The following AGBL3 variants were observed in gnomAD, a reference collection of about 807,000 sequenced individuals.
AGBL3 encodes the protein AGBL carboxypeptidase 3.
A neutral mutation model predicts 94.5 loss-of-function variants in AGBL3; 68 were observed. That is an observed-to-expected ratio of 0.72 (90% CI 0.59 to 0.88). The LOEUF is 0.88. Among genes scored for constraint, AGBL3 ranks in the 40% least tolerant of loss-of-function variants. The pLI is 0.00. For missense variants in AGBL3, 934 were observed against 1,103.8 expected (o/e 0.85, Z 2.18); for synonymous variants, 354 against 370.7 (o/e 0.95, Z 0.52).
intron 4 of AGBL3, among the ~76,000 whole-genome samples, chr7:135,003,437 C>T (rs541976850): frequency 1.3e-5 from 2 of 152,064 alleles, no homozygotes; most frequent in South Asian, 4.1e-4. Context: ...CAAGATTTTT[C>T]TGGCTACGTT....
At chr7:135,103,333 T>C (rs1268362751) in intron 15 of AGBL3, among the ~76,000 whole-genome samples, 1 of 152,232 alleles carries the variant, frequency 6.6e-6, no homozygotes, top group Non-Finnish European at 1.5e-5. Context: ...CTAGTCTCTC[T>C]ATATTCGGGA....
At chr7:135,007,542 T>A (rs1812548010) in intron 4 of AGBL3, among the ~76,000 whole-genome samples, 1 of 151,918 alleles carries the variant, frequency 6.6e-6, no homozygotes, top group Non-Finnish European at 1.5e-5. Flanking sequence ...TCTATGGAAA[T>A]CCCACAGCTA....
intron 16 of AGBL3, chr7:135,128,963 C>T: frequency 2.5e-6 from 4 of 1,581,256 alleles, no homozygotes; most frequent in Non-Finnish European, 3.5e-6. Flanking sequence ...GTAGTGAATG[C>T]ATGTACTTCT....
At chr7:135,038,047 G>T (rs1378250837) in intron 8 of AGBL3, among the ~76,000 whole-genome samples, 1 of 151,900 alleles carries the variant, frequency 6.6e-6, no homozygotes, top group African/African-American at 2.4e-5. Context: ...ATTAGAATGA[G>T]AAAAGAATAA....
rs186687806 is a variant in AGBL3 at position 135,129,046 on chromosome 7, T to C, written c.2343-5795T>C. On this transcript the variant is annotated intron_variant, in intron 16 of 16. Transcript: ENST00000436302. ...GAAATCCAGATCAGAGATGGCCAGGTTCAATGCCTCAACTGCCCAGAACCA... is the reference window on the plus strand; with the variant it reads ...GAAATCCAGATCAGAGATGGCCAGGCTCAATGCCTCAACTGCCCAGAACCA... 2.5e-6 allele frequency: 4 copies of C among 1,608,688 alleles called. No individual in the cohort carries two copies. The East Asian group carries it at 8.9e-5, about 36-fold the overall frequency.
intron 12 of AGBL3, among the ~76,000 whole-genome samples, chr7:135,067,781 G>A (rs900231689): frequency 2.6e-5 from 4 of 152,142 alleles, no homozygotes; most frequent in African/African-American, 9.7e-5. Flanking sequence ...AAACCACAAA[G>A]ATGGGGAAAA....
chr7:135,045,973 T>A, intron 11 of AGBL3, 62 bp downstream of exon 11: 1 of 1,097,670 alleles, frequency 9.1e-7, no homozygotes. Context: ...TCTTTATAAT[T>A]ATACCAGCAT....
At chr7:135,077,326 A>G (rs905605269) in intron 13 of AGBL3, among the ~76,000 whole-genome samples, 7 of 152,182 alleles carry the variant, frequency 4.6e-5, no homozygotes, top group Non-Finnish European at 7.3e-5. Context: ...CTTGGTTTGT[A>G]AAATGATGGT....
intron 16 of AGBL3, chr7:135,129,273 T>C: frequency 6.6e-7 from 1 of 1,519,678 alleles, no homozygotes; most frequent in South Asian, 1.1e-5. Context: ...CAATTTTGCC[T>C]TCTGTACCTT....
intron 13 of AGBL3, among the ~76,000 whole-genome samples, chr7:135,079,408 G>A (rs1275070200): frequency 1.3e-5 from 2 of 151,938 alleles, no homozygotes; most frequent in Non-Finnish European, 2.9e-5. Flanking sequence ...TATATATGAA[G>A]AGGTGGGTTT....
intron 12 of AGBL3, among the ~76,000 whole-genome samples, chr7:135,072,371 C>T (rs1403785267): frequency 3.3e-5 from 5 of 152,162 alleles, no homozygotes; most frequent in African/African-American, 1.2e-4. Flanking sequence ...CCTCAGGGAT[C>T]CAGAACTAGA....
At chr7:135,011,719 G>A (rs936225469) in intron 4 of AGBL3, 4 of 152,118 alleles carry the variant, frequency 2.6e-5, no homozygotes, top group African/African-American at 9.7e-5. Flanking sequence ...TTGTTAATGA[G>A]GCTGAGTTCT....
At chr7:135,118,315 T>C (rs576824956) in intron 16 of AGBL3, among the ~76,000 whole-genome samples, 1 of 152,314 alleles carries the variant, frequency 6.6e-6, no homozygotes, top group Admixed American at 6.5e-5. Flanking sequence ...AAGGAACCTC[T>C]TATGAAAGTA....
chr7:135,017,218 TTAATTA>T (rs897170835), intron 5 of AGBL3, 59 bp downstream of exon 5: 3 of 1,205,770 alleles, frequency 2.5e-6, no homozygotes, highest in African/African-American at 3.0e-5. Flanking sequence ...GGTTAATCTC[TTAATTA>T]TATTTGTTTT....
At position 135,034,328 on chromosome 7, in the gene AGBL3, A is replaced by T. The variant is rs1324844867; in HGVS notation, c.737A>T (p.Glu246Val). The change falls in exon 7 of 17, where the codon GAA becomes GTA. Residue 246 changes from glutamate (E) to valine (V), a missense_variant. Around this residue, in one of 3 missense-constraint regions of AGBL3, gnomAD observed 488 missense variants for 563.6 expected, o/e 0.87. Transcript: ENST00000436302. ...SRGMRPLFYS[E>V]KEAKAHHIGW... ...GGTATGCGCCCACTGTTCTATTCTGAAAAAGAGGCCAAGGCTCATCACATT... is the reference window on the plus strand; with the variant it reads ...GGTATGCGCCCACTGTTCTATTCTGTAAAAGAGGCCAAGGCTCATCACATT... 1 of 1,551,696 alleles carries T rather than the reference A, an allele frequency of 6.4e-7. No homozygotes were observed. Among genetic ancestry groups the T allele is most frequent in the Non-Finnish European group, 8.7e-7 (1 of 1,146,964 alleles).
rs371781054 is a variant in AGBL3, at chr7:135,111,275, G to A, written c.2111-4105G>A. Among the ~76,000 whole-genome samples the A allele has an allele frequency of 9.9e-5, 15 of 152,114 alleles. No individual in the cohort carries two copies. The South Asian group carries it at 2.3e-3, about 23-fold the overall frequency. ...TAGTGACATAACTCTAATTACTGCCGTCTTACTCACCTTCCTCAAAATATA... is the reference window on the plus strand; with the variant it reads ...TAGTGACATAACTCTAATTACTGCCATCTTACTCACCTTCCTCAAAATATA... On this transcript the variant is annotated intron_variant, in intron 15 of 16. Coordinates refer to ENST00000436302, the MANE Select transcript of AGBL3 (RefSeq NM_178563.4).
chr7:135,051,266 T>C (rs1817850522), intron 11 of AGBL3: 1 of 190,356 alleles, frequency 5.3e-6, no homozygotes, highest in African/African-American at 2.4e-5. Flanking sequence ...GTGACTAATA[T>C]GTTTGTTTCC....
At chr7:135,018,866 G>A (rs1384280354) in intron 5 of AGBL3, among the ~76,000 whole-genome samples, 1 of 152,160 alleles carries the variant, frequency 6.6e-6, no homozygotes, top group East Asian at 1.9e-4. Context: ...TAGACAGAAT[G>A]AAATGTATAG....
intron 4 of AGBL3, among the ~76,000 whole-genome samples, chr7:135,009,646 A>C (rs775635114): frequency 1.8e-4 from 27 of 152,116 alleles, no homozygotes; most frequent in East Asian, 9.6e-4. Context: ...CCCCAACACA[A>C]CACCACAAGA....
Sources: gnomAD v4.1 joint callset for allele counts (sites outside exome capture counted in the v4.1 genomes callset) on GRCh38, gnomAD v4.1.1 for gene constraint, gnomAD v4.1.1 regional missense constraint, MANE v1.5 for transcripts, NCBI Gene and HGNC (gene_info 2026-07-23, HGNC 2026-07-21) for gene names.